The following FSTL4 variants were observed in gnomAD, a reference collection of about 807,000 sequenced individuals.
FSTL4 encodes the protein follistatin like 4.
Under a neutral mutation model 78.2 loss-of-function variants are expected in FSTL4, and 28 were observed. That is an observed-to-expected ratio of 0.36 (90% CI 0.27 to 0.49). The LOEUF (loss-of-function observed/expected upper bound fraction) is 0.49. Ranked by LOEUF, FSTL4 falls within the 20% of genes least tolerant of loss-of-function variation. The pLI is 0.98. For missense variants in FSTL4, 922 were observed against 1,084.9 expected, an observed-to-expected ratio of 0.85 and a Z score of 2.11; for synonymous variants, 422 against 440.5, an observed-to-expected ratio of 0.96 and a Z score of 0.53.
the FSTL4 span, among the ~76,000 whole-genome samples, chr5:133,818,021 G>A: frequency 6.6e-6 from 1 of 152,252 alleles, no homozygotes; most frequent in Non-Finnish European, 1.5e-5. Flanking sequence ...GGAACTGGGA[G>A]TAAACATGGC....
chr5:133,317,748 C>A (rs1366530526), intron 4 of FSTL4, among the ~76,000 whole-genome samples: 1 of 152,202 alleles, frequency 6.6e-6, no homozygotes, highest in East Asian at 1.9e-4. Flanking sequence ...AGCAGAGATA[C>A]CAGTGCCTCC....
rs560398073 is a variant in FSTL4, at chr5:133,402,684, G to A, written c.161-1698C>T. Among the ~76,000 whole-genome samples the A allele has an allele frequency of 5.3e-5, 8 of 152,100 alleles. No individual in the cohort carries two copies. The South Asian group carries it at 8.3e-4, about 16-fold the overall frequency. Reference sequence around the variant, plus strand: ...TTGAAAGGAAAAAAAATCAGTTATCGGCAGATTAACTGCTTGATTCAATAA... The same window carrying A: ...TTGAAAGGAAAAAAAATCAGTTATCAGCAGATTAACTGCTTGATTCAATAA... On this transcript the variant is annotated intron_variant, in intron 3 of 15. Coordinates refer to ENST00000265342, the MANE Select transcript of FSTL4 (RefSeq NM_015082.2).
At chr5:133,266,864 C>G (rs1023602938) in intron 6 of FSTL4, among the ~76,000 whole-genome samples, 5 of 152,218 alleles carry the variant, frequency 3.3e-5, no homozygotes, top group East Asian at 1.9e-4. Context: ...CAGCTTCCCC[C>G]TTGTGGGCTC....
At chr5:133,406,051 C>T (rs1044702847) in intron 3 of FSTL4, among the ~76,000 whole-genome samples, 2 of 152,050 alleles carry the variant, frequency 1.3e-5, no homozygotes, top group Non-Finnish European at 2.9e-5. Context: ...AACTGGCAAA[C>T]AAAAAAACAA....
At chr5:133,766,301 G>C in the FSTL4 span, among the ~76,000 whole-genome samples, 2 of 152,154 alleles carry the variant, frequency 1.3e-5, no homozygotes, top group African/African-American at 4.8e-5. Context: ...AGAAGAAGAG[G>C]AGGAAAGAGG....
intron 2 of FSTL4, among the ~76,000 whole-genome samples, chr5:133,569,742 T>A (rs946377392): frequency 6.6e-6 from 1 of 152,184 alleles, no homozygotes; most frequent in Non-Finnish European, 1.5e-5. Flanking sequence ...CTCATAATAT[T>A]CCACTACCCC....
At chr5:133,388,892 T>C (rs1329727351) in intron 4 of FSTL4, among the ~76,000 whole-genome samples, 1 of 152,198 alleles carries the variant, frequency 6.6e-6, no homozygotes, top group Non-Finnish European at 1.5e-5. Context: ...GGAGCGGTTT[T>C]CAAGTTTGTT....
the FSTL4 span, among the ~76,000 whole-genome samples, chr5:133,712,296 G>T: frequency 6.6e-6 from 1 of 152,326 alleles, no homozygotes; most frequent in African/African-American, 2.4e-5. Context: ...GTCCAGGACT[G>T]ATATGGCAAT....
chr5:133,390,628 C>G (rs1296533065), intron 4 of FSTL4, among the ~76,000 whole-genome samples: 3 of 152,216 alleles, frequency 2.0e-5, no homozygotes, highest in East Asian at 3.9e-4. Flanking sequence ...CTCCACAGAC[C>G]TTACATTCAG....
intron 6 of FSTL4, among the ~76,000 whole-genome samples, chr5:133,291,156 A>AGGAGG (rs1387218192): frequency 6.6e-6 from 1 of 152,226 alleles, no homozygotes; most frequent in African/African-American, 2.4e-5. Context: ...CAGGAGACAC[A>AGGAGG]GGAGGGGAGG....
chr5:133,539,096 T>A (rs1759415455), intron 3 of FSTL4, among the ~76,000 whole-genome samples: 2 of 151,974 alleles, frequency 1.3e-5, no homozygotes, highest in South Asian at 4.2e-4. Flanking sequence ...GCTTTAGAAG[T>A]CATATAGAAT....
the FSTL4 span, among the ~76,000 whole-genome samples, chr5:133,646,635 G>A: frequency 2.6e-5 from 4 of 152,164 alleles, no homozygotes; most frequent in African/African-American, 9.7e-5. Flanking sequence ...TTCCTTCAAG[G>A]TGCAGAGGAG....
chr5:133,326,020 A>G (rs1229572771), intron 4 of FSTL4, among the ~76,000 whole-genome samples: 2 of 152,232 alleles, frequency 1.3e-5, no homozygotes, highest in African/African-American at 2.4e-5. Flanking sequence ...CAGGGGCCTC[A>G]GTTGTGATGT....
At chr5:133,600,848 C>T (rs1351041626) in intron 2 of FSTL4, among the ~76,000 whole-genome samples, 1 of 152,144 alleles carries the variant, frequency 6.6e-6, no homozygotes, top group African/African-American at 2.4e-5. Context: ...AATGCAGAAA[C>T]ATTTTAATAT....
chr5:133,711,252 T>G, the FSTL4 span, among the ~76,000 whole-genome samples: 5 of 152,318 alleles, frequency 3.3e-5, no homozygotes, highest in East Asian at 9.6e-4. Flanking sequence ...CTTCATTCCA[T>G]GGACTTTGGG....
intron 4 of FSTL4, among the ~76,000 whole-genome samples, chr5:133,381,144 G>A (rs1348815762): frequency 6.6e-6 from 1 of 152,186 alleles, no homozygotes; most frequent in Non-Finnish European, 1.5e-5. Context: ...GTGAAGTACA[G>A]TGCCTAGAGT....
rs1321106699 is a variant in FSTL4, at chr5:133,236,782, C to T, written c.895-3245G>A. Among the ~76,000 whole-genome samples the T allele has an allele frequency of 6.6e-6, 1 of 152,236 alleles. No individual in the cohort carries two copies. Among genetic ancestry groups the T allele is most frequent in the African/African-American group, 2.4e-5 (1 of 41,460 alleles). On this transcript the variant is annotated intron_variant, in intron 7 of 15. Coordinates refer to ENST00000265342, the MANE Select transcript of FSTL4 (RefSeq NM_015082.2). This position sits in a 1 kb window ranked among gnomAD's most constrained non-coding sequence, Gnocchi z 5.0. ...TCTGTCTCCCTCTCCTGCAAGTCTG[C>T]TCCAACCTTGTCTGGCAGCCCCATT... is the stretch of plus-strand genomic sequence containing the variant.
intron 4 of FSTL4, among the ~76,000 whole-genome samples, chr5:133,333,169 C>T (rs1308493163): frequency 2.0e-5 from 3 of 152,234 alleles, no homozygotes; most frequent in Non-Finnish European, 2.9e-5. Flanking sequence ...CTCTTGGAGG[C>T]TCCTATGCAG....
At chr5:133,784,229 G>A in the FSTL4 span, among the ~76,000 whole-genome samples, 3 of 151,982 alleles carry the variant, frequency 2.0e-5, no homozygotes, top group African/African-American at 4.8e-5. Flanking sequence ...AAGTAGATGG[G>A]TAGGGTATGC....
Sources: gnomAD v4.1 joint callset for allele counts (sites outside exome capture counted in the v4.1 genomes callset) on GRCh38, gnomAD v4.1.1 for gene constraint, Gnocchi (gnomAD v3.1) non-coding constraint, MANE v1.5 for transcripts, NCBI Gene and HGNC (gene_info 2026-07-23, HGNC 2026-07-21) for gene names.